Variants in SRPK2 observed in about 807,000 individuals in gnomAD.
The protein encoded by SRPK2 is SRSF protein kinase 2.
Under a neutral mutation model 90.8 loss-of-function variants are expected in SRPK2, and 21 were observed. That is an observed-to-expected ratio of 0.23 (90% CI 0.16 to 0.33). The LOEUF (loss-of-function observed/expected upper bound fraction) is 0.33. SRPK2 is among the 10% of genes least tolerant of loss of function. The probability of loss-of-function intolerance (pLI) is 1.00; values close to 1 mark genes in which losing one functional copy is unlikely to be tolerated. For synonymous variants in SRPK2, 288 were observed against 311.1 expected (o/e 0.93, Z 0.78); for missense variants, 620 against 869.0 (o/e 0.71, Z 3.60).
intron 2 of SRPK2, among the ~76,000 whole-genome samples, chr7:105,346,530 C>A (rs994672529): frequency 2.6e-5 from 4 of 151,970 alleles, no homozygotes; most frequent in Admixed American, 6.6e-5. Flanking sequence ...GCAAGGCGGG[C>A]GGATCACGAG....
At chr7:105,246,119 A>G (rs749198802) in intron 2 of SRPK2, among the ~76,000 whole-genome samples, 2 of 152,208 alleles carry the variant, frequency 1.3e-5, no homozygotes, top group East Asian at 1.9e-4. Context: ...ACTTAATTCT[A>G]TTCTTACATA....
intron 2 of SRPK2, among the ~76,000 whole-genome samples, chr7:105,346,505 C>T (rs1041929410): frequency 8.5e-5 from 13 of 152,090 alleles, no homozygotes; most frequent in African/African-American, 2.7e-4. Context: ...CCTATAATCC[C>T]AGCACTTTAG....
upstream of SRPK2, among the ~76,000 whole-genome samples, chr7:105,392,141 TC>T (rs1408342192): frequency 5.3e-5 from 8 of 152,156 alleles, no homozygotes; most frequent in Non-Finnish European, 1.0e-4. Flanking sequence ...ATATGAGATA[TC>T]CAGAATAGGC....
intron 3 of SRPK2, among the ~76,000 whole-genome samples, chr7:105,180,316 G>A (rs540128732): frequency 7.8e-4 from 118 of 152,122 alleles, no homozygotes; most frequent in Non-Finnish European, 1.5e-3. Context: ...ACAGAAACAA[G>A]CAATGGGGAA....
chr7:105,237,669 T>C (rs890201997), intron 2 of SRPK2, among the ~76,000 whole-genome samples: 2 of 152,200 alleles, frequency 1.3e-5, no homozygotes, highest in African/African-American at 2.4e-5. Context: ...AAAACTTGAA[T>C]ACCTTGACAG....
intron 8 of SRPK2, among the ~76,000 whole-genome samples, chr7:105,145,731 A>G (rs1411003254): frequency 6.6e-6 from 1 of 152,228 alleles, no homozygotes; most frequent in African/African-American, 2.4e-5. Flanking sequence ...TATAATTTAA[A>G]TCAAATACTG....
chr7:105,316,134 C>T (rs1369860996), intron 2 of SRPK2, among the ~76,000 whole-genome samples: 1 of 150,982 alleles, frequency 6.6e-6, no homozygotes, highest in African/African-American at 2.4e-5. Flanking sequence ...AAGTGATTCT[C>T]CTGCCTCAGC....
intron 2 of SRPK2, among the ~76,000 whole-genome samples, chr7:105,267,465 C>G (rs1358201264): frequency 1.3e-5 from 2 of 152,134 alleles, no homozygotes; most frequent in African/African-American, 4.8e-5. Flanking sequence ...AGAATATTCA[C>G]AAGGCTGAAG....
chr7:105,373,404 CT>C lies in SRPK2; in HGVS notation c.71+15243del, dbSNP rs60572082. On this transcript the variant is annotated intron_variant, in intron 2 of 15. Transcript: ENST00000393651. ...AAAAAAAAAAATTTTTTTTCTTTTCCTTTTTTTTTTTTTTTTGAAACAAAGT... is the reference window on the plus strand; with the variant it reads ...AAAAAAAAAAATTTTTTTTCTTTTCCTTTTTTTTTTTTTTTGAAACAAAGT... Among the ~76,000 whole-genome samples the C allele has an allele frequency of 2.9e-3, 369 of 127,412 alleles. 1 individual carries two copies. The highest frequency in any genetic ancestry group is 6.6e-3 in the African/African-American group (233 of 35,116). The allele number at this position is 127,412 out of a possible 152,430, so 83.6% of individuals were successfully genotyped here.
chr7:105,376,489 T>C (rs1162950989), intron 2 of SRPK2, among the ~76,000 whole-genome samples: 2 of 151,908 alleles, frequency 1.3e-5, no homozygotes, highest in African/African-American at 4.8e-5. Context: ...CTTGCCCATA[T>C]TTTCAACCTC....
At chr7:105,147,034 G>C (rs531779501) in intron 7 of SRPK2, among the ~76,000 whole-genome samples, 1 of 152,196 alleles carries the variant, frequency 6.6e-6, no homozygotes, top group African/African-American at 2.4e-5. Flanking sequence ...TGAGGATGAA[G>C]ACCTTTATGA....
intron 2 of SRPK2, among the ~76,000 whole-genome samples, chr7:105,312,870 C>G (rs751039138): frequency 2.0e-5 from 3 of 152,176 alleles, no homozygotes; most frequent in Middle Eastern, 3.2e-3. Context: ...TTCCTGGCCT[C>G]AAGTGATCCT....
chr7:105,342,016 C>A (rs1198672515), intron 2 of SRPK2, among the ~76,000 whole-genome samples: 1 of 151,796 alleles, frequency 6.6e-6, no homozygotes, highest in East Asian at 2.0e-4. Context: ...GTAATCCCAG[C>A]ACTTGGGGAG....
chr7:105,229,453 G>GAC (rs1799158154), intron 2 of SRPK2, among the ~76,000 whole-genome samples: 1 of 148,290 alleles, frequency 6.7e-6, no homozygotes, highest in African/African-American at 2.5e-5. Flanking sequence ...GACAGAGCAA[G>GAC]ACTCCGTCTC....
intron 6 of SRPK2, among the ~76,000 whole-genome samples, chr7:105,161,896 C>T (rs56164210): frequency 5.9e-5 from 9 of 152,194 alleles, no homozygotes; most frequent in African/African-American, 2.2e-4. Context: ...TCTATAGTAA[C>T]AACATCTCAG....
chr7:105,195,355 A>G (rs1481194747), intron 3 of SRPK2, among the ~76,000 whole-genome samples: 1 of 152,168 alleles, frequency 6.6e-6, no homozygotes, highest in East Asian at 1.9e-4. Context: ...GGCCTGCTAA[A>G]TATGTTTTGT....
chr7:105,361,813 C>G (rs1818456872), intron 2 of SRPK2, among the ~76,000 whole-genome samples: 1 of 152,096 alleles, frequency 6.6e-6, no homozygotes, highest in Non-Finnish European at 1.5e-5. Flanking sequence ...ACACCTTATA[C>G]AAAAATTAAT....
At chr7:105,305,285 CA>C (rs1585631328) in intron 2 of SRPK2, among the ~76,000 whole-genome samples, 2 of 152,186 alleles carry the variant, frequency 1.3e-5, no homozygotes, top group East Asian at 3.9e-4. Flanking sequence ...ACTAAAAACA[CA>C]AAATTAGCCG....
intron 15 of SRPK2, among the ~76,000 whole-genome samples, chr7:105,121,387 A>AG (rs1554406194): frequency 1.3e-5 from 2 of 148,430 alleles, no homozygotes; most frequent in Non-Finnish European, 3.0e-5. Context: ...TAAAAAAAAA[A>AG]AGAGAGAAAA....
Sources: gnomAD v4.1 joint callset for allele counts (sites outside exome capture counted in the v4.1 genomes callset) on GRCh38, gnomAD v4.1.1 for gene constraint, MANE v1.5 for transcripts, NCBI Gene and HGNC (gene_info 2026-07-23, HGNC 2026-07-21) for gene names.